Variants in CCDC148 observed in about 807,000 individuals in gnomAD.
CCDC148 encodes coiled-coil domain-containing protein 148.
Under a neutral mutation model 85.7 loss-of-function variants are expected in CCDC148, and 89 were observed. The observed-to-expected ratio is 1.04, with a 90% confidence interval of 0.87 to 1.24. CCDC148 has a LOEUF of 1.24. Ranked by LOEUF, CCDC148 falls within the 50% of genes most tolerant of loss-of-function variation. CCDC148 has a pLI of 0.00. For synonymous variants in CCDC148, 230 were observed against 213.9 expected, an observed-to-expected ratio of 1.08 and a Z score of -0.66; for missense variants, 692 against 671.7, an observed-to-expected ratio of 1.03 and a Z score of -0.33.
At chr2:158,210,705 A>G (rs532113663) in intron 11 of CCDC148, among the ~76,000 whole-genome samples, 2 of 148,624 alleles carry the variant, frequency 1.3e-5, no homozygotes, top group South Asian at 4.3e-4. Flanking sequence ...GCACTTTGGG[A>G]GGCCGAGGCA....
intron 10 of CCDC148, among the ~76,000 whole-genome samples, chr2:158,223,079 G>A (rs573121745): frequency 6.6e-6 from 1 of 152,122 alleles, no homozygotes; most frequent in Admixed American, 6.5e-5. Flanking sequence ...CAAAGAAAGG[G>A]GTGACAGACA....
At chr2:158,330,652 G>T (rs1693052884) in intron 7 of CCDC148, among the ~76,000 whole-genome samples, 8 of 152,010 alleles carry the variant, frequency 5.3e-5, no homozygotes, top group Admixed American at 5.2e-4. Context: ...CTTTTTTTTG[G>T]TTGGTAGGCT....
chr2:158,193,890 A>T (rs1314339771), intron 11 of CCDC148, among the ~76,000 whole-genome samples: 2 of 118,516 alleles, frequency 1.7e-5, no homozygotes, highest in African/African-American at 6.4e-5. Context: ...CCAGTGTGTG[A>T]TGTTCCCCCT....
intron 9 of CCDC148, among the ~76,000 whole-genome samples, chr2:158,299,600 A>T (rs1242411763): frequency 6.6e-6 from 1 of 152,216 alleles, no homozygotes; most frequent in African/African-American, 2.4e-5. Context: ...TACACTGGTT[A>T]TCCAATGCCT....
intron 9 of CCDC148, among the ~76,000 whole-genome samples, chr2:158,266,837 C>T (rs945814723): frequency 2.7e-5 from 4 of 149,880 alleles, no homozygotes; most frequent in Non-Finnish European, 5.9e-5. Context: ...TATTCCAGTA[C>T]ATATATGTGT....
At position 158,178,865 on chromosome 2, in the gene CCDC148, C is replaced by T. The variant is rs1391832976; in HGVS notation, c.1488+14G>A. Reference sequence around the variant, plus strand: ...TAAAAAAACCACCCATGAAAATTTCCAAATGAAAAACACCTGTTTCCTAAG... The same window carrying T: ...TAAAAAAACCACCCATGAAAATTTCTAAATGAAAAACACCTGTTTCCTAAG... On this transcript the variant is annotated intron_variant, in intron 12 of 13. Transcript: ENST00000283233. 2 of 1,588,750 alleles carry T rather than the reference C, an allele frequency of 1.3e-6. No homozygotes were observed. The highest frequency in any genetic ancestry group is 2.7e-5 in the African/African-American group (2 of 73,986).
At chr2:158,207,782 T>A (rs757642883) in intron 11 of CCDC148, among the ~76,000 whole-genome samples, 16 of 152,170 alleles carry the variant, frequency 1.1e-4, no homozygotes, top group Non-Finnish European at 1.9e-4. Context: ...CTTCAGAAAT[T>A]AAGGTAGGAG....
intron 1 of CCDC148, among the ~76,000 whole-genome samples, chr2:158,443,501 C>CAAAAAA (rs1226963790): frequency 1.7e-5 from 1 of 59,332 alleles, no homozygotes; most frequent in African/African-American, 5.6e-5. Flanking sequence ...AAGTCTATCT[C>CAAAAAA]AAAAAAAAAA....
In CCDC148 at chr2:158,217,324, AT is replaced by A. The variant is rs1558990011; in HGVS notation, c.1370+3270del. 7.1e-3 allele frequency among the ~76,000 whole-genome samples: 721 copies of A among 101,744 alleles called. 6 individuals are homozygous for A. Among genetic ancestry groups the A allele is most frequent in the African/African-American group, 0.019 (647 of 33,244 alleles). 66.7% of individuals were successfully genotyped at this position (101,744 alleles called of 152,430 possible). ...TATTTATGTAGGTATATATATATAT[AT>A]ATAATTTTGTGTATATATATATATA... On this transcript the variant is annotated intron_variant, in intron 11 of 13. Transcript: ENST00000283233.
intron 1 of CCDC148, among the ~76,000 whole-genome samples, chr2:158,396,004 T>A (rs1685505817): frequency 6.6e-6 from 1 of 152,126 alleles, no homozygotes; most frequent in Non-Finnish European, 1.5e-5. Flanking sequence ...GTTGATGGAA[T>A]GGCTAAGGAC....
In CCDC148 at chr2:158,179,379, A is replaced by C. The variant is rs150022510; in HGVS notation, c.1371-383T>G. 1.1e-3 allele frequency among the ~76,000 whole-genome samples: 162 copies of C among 151,880 alleles called. No individual in the cohort carries two copies. The East Asian group carries it at 0.021, about 20-fold the overall frequency. On this transcript the variant is annotated intron_variant, in intron 11 of 13. Coordinates refer to ENST00000283233, the MANE Select transcript of CCDC148 (RefSeq NM_138803.4). ...TCACCATGTTGGCCAGGATGGTCTC[A>C]ATCTCCTGACCTCGTGATCCGCCTG...
intron 11 of CCDC148, among the ~76,000 whole-genome samples, chr2:158,210,344 C>T (rs1686495554): frequency 6.6e-6 from 1 of 152,170 alleles, no homozygotes; most frequent in East Asian, 1.9e-4. Flanking sequence ...GAGACTTAGA[C>T]TCCCACACAA....
intron 3 of CCDC148, among the ~76,000 whole-genome samples, chr2:158,344,459 C>T (rs930594643): frequency 3.9e-5 from 6 of 152,002 alleles, no homozygotes; most frequent in Admixed American, 1.3e-4. Context: ...AATAAGACCA[C>T]AGAAATTAAC....
chr2:158,456,534 G>T lies in CCDC148; in HGVS notation c.-95C>A. ...CTCTCGCCGTCAGGGGTACATCTAA[G>T]GGCTCAGCTGTTCCTACCTTTGACG... On this transcript the variant is annotated 5_prime_UTR_variant, in exon 1 of 14. Transcript: ENST00000283233. 6.8e-7 allele frequency: 1 copy of T among 1,471,102 alleles called. No homozygotes were observed. Among genetic ancestry groups the T allele is most frequent in the South Asian group, 1.3e-5 (1 of 77,582 alleles). The allele number at this position is 1,471,102 out of a possible 1,614,324, so 91.1% of individuals were successfully genotyped here. A position where few individuals can be genotyped will look rare whatever the true frequency, so the allele number is the denominator to read the frequency against.
intron 11 of CCDC148, among the ~76,000 whole-genome samples, chr2:158,216,091 T>C (rs1686839069): frequency 2.0e-5 from 3 of 152,220 alleles, no homozygotes; most frequent in Non-Finnish European, 1.5e-5. Context: ...TGGTATTATA[T>C]TGTTAAATGT....
intron 1 of CCDC148, among the ~76,000 whole-genome samples, chr2:158,358,858 T>C (rs746332765): frequency 1.3e-5 from 2 of 152,050 alleles, no homozygotes; most frequent in Middle Eastern, 3.2e-3. Flanking sequence ...AAAATTATAA[T>C]ACCAAGCTAC....
At chr2:158,356,061 G>C (rs112839756) in intron 2 of CCDC148, among the ~76,000 whole-genome samples, 218 of 124,678 alleles carry the variant, frequency 1.7e-3, no homozygotes, top group African/African-American at 4.2e-3. Context: ...CTTCCTTACA[G>C]CTTATACAAA....
At position 158,338,796 on chromosome 2, in the gene CCDC148, A is replaced by G. The variant is rs139201830; in HGVS notation, c.694T>C (p.Phe232Leu). Reference sequence around the variant, plus strand: ...TGATATTTCTGTGTAAACTTATAGAACTCACTGAGAATTGAAGATTTCAAA... The same window carrying G: ...TGATATTTCTGTGTAAACTTATAGAGCTCACTGAGAATTGAAGATTTCAAA... ...PDLKSSILSE[F>L]YKFTQKYQKK... The change falls in exon 7 of 14, where the codon TTC (phenylalanine) becomes CTC (leucine). Residue 232 changes from phenylalanine (F) to leucine (L), a missense_variant. Transcript: ENST00000283233. 3.6e-5 allele frequency: 58 copies of G among 1,611,782 alleles called. No individual in the cohort carries two copies. Among genetic ancestry groups the G allele is most frequent in the Admixed American group, 1.5e-4 (9 of 59,348 alleles).
intron 1 of CCDC148, among the ~76,000 whole-genome samples, chr2:158,436,452 G>A (rs185700732): frequency 4.6e-5 from 7 of 152,116 alleles, no homozygotes; most frequent in Non-Finnish European, 4.4e-5. Context: ...CAACATACCA[G>A]AATCTCTGGG....
Sources: gnomAD v4.1 joint callset for allele counts (sites outside exome capture counted in the v4.1 genomes callset) on GRCh38, gnomAD v4.1.1 for gene constraint, MANE v1.5 for transcripts, NCBI Gene and HGNC (gene_info 2026-07-23, HGNC 2026-07-21) for gene names.